The following HTR1B variants were observed in gnomAD, a reference collection of about 807,000 sequenced individuals.
HTR1B encodes 5-hydroxytryptamine receptor 1B, also known as 5-hydroxytryptamine (serotonin) receptor 1B, G protein-coupled.
In HTR1B, 12 loss-of-function variants were observed where a neutral mutation model predicts 25.3. The observed-to-expected ratio is 0.47, with a 90% CI of 0.30 to 0.77. HTR1B has a LOEUF of 0.77. HTR1B is among the 30% of genes least tolerant of loss of function. The probability of loss-of-function intolerance (pLI) is 0.06; values close to 1 mark genes in which losing one functional copy is unlikely to be tolerated. For synonymous variants in HTR1B, 224 were observed against 219.1 expected (o/e 1.02, Z -0.20); for missense variants, 453 against 503.0 (o/e 0.90, Z 0.95).
In HTR1B at chr6:77,462,827, C is replaced by T. The variant is rs780026953; in HGVS notation, c.577G>A (p.Glu193Lys). 2 of 1,614,010 alleles carry T rather than the reference C, an allele frequency of 1.2e-6. No homozygotes were observed. The highest frequency in any genetic ancestry group is 1.7e-6 in the Non-Finnish European group (2 of 1,180,034). The change falls in exon 1 of 1, where the codon GAA becomes AAA. Residue 193 changes from glutamate (E) to lysine (K), a missense_variant. Physicochemically the swap from Glu to Lys is moderately conservative, Grantham distance 56. Around this residue, in one of 3 missense-constraint regions of HTR1B, gnomAD observed 289 missense variants for 319.6 expected, o/e 0.90. Coordinates refer to ENST00000369947, the MANE Select transcript of HTR1B (RefSeq NM_000863.3). This position sits in a 1 kb window ranked among gnomAD's most constrained non-coding sequence, Gnocchi z 4.9. ...ACCACGCATTCCGACACCTCCTCTT[C>T]GGCCTTAGCCTGACGCCAGAAGAAG... ...PPFFWRQAKA[E>K]EEVSECVVNT...
In HTR1B at chr6:77,462,720, A is replaced by G. The variant is rs138273068; in HGVS notation, c.684T>C (p.Tyr228=). The change falls in exon 1 of 1, where the codon TAT becomes TAC. Residue 228 remains tyrosine (Y), a synonymous_variant. Coordinates refer to ENST00000369947, the MANE Select transcript of HTR1B (RefSeq NM_000863.3). The surrounding 1 kb of genome is among the most constrained non-coding windows in gnomAD (Gnocchi z 4.9). The part of the protein sequence containing the change: ...YFPTLLLIAL[Y]GRIYVEARSR... ...AGCGGGCTTCTACGTAGATGCGGCC[A>G]TAGAGGGCGATGAGGAGCAGGGTGG... 26 of 1,613,748 alleles carry G rather than the reference A, an allele frequency of 1.6e-5. No individual in the cohort carries two copies. The Admixed American group carries it at 2.8e-4, about 18-fold the overall frequency.
chr6:77,462,957 C>A lies in HTR1B; in HGVS notation c.447G>T (p.Trp149Cys). ...AGTACTCCACGGCGTCCGTGATGGC[C>A]CAGTAGCGGTCCAGGGCGATGACAC... ...HLCVIALDRYWAITDAVEYSA... is the reference protein window; with the variant it reads ...HLCVIALDRYCAITDAVEYSA... The change falls in exon 1 of 1, where the codon TGG (tryptophan) becomes TGT (cysteine). Residue 149 changes from tryptophan (W) to cysteine (C), a missense_variant. By Grantham distance (215) the Trp-to-Cys change is radical. Transcript: ENST00000369947. This position sits in a 1 kb window ranked among gnomAD's most constrained non-coding sequence, Gnocchi z 4.9. 6.2e-7 allele frequency: 1 copy of A among 1,614,028 alleles called. No homozygotes were observed. Among genetic ancestry groups the A allele is most frequent in the Non-Finnish European group, 8.5e-7 (1 of 1,180,048 alleles).
rs1478298898 is a variant in HTR1B at position 77,463,194 on chromosome 6, C to T, written c.210G>A (p.Val70=). 1.9e-6 allele frequency: 3 copies of T among 1,614,106 alleles called. No individual in the cohort carries two copies. In the African/African-American group the frequency reaches 4.0e-5, roughly 22 times the overall value. ...TCCGGGTCCGGTACACTGTGGCAAT[C>T]ACAAAGGCATTGGAGAGCGTGGTGG... is the stretch of plus-strand genomic sequence containing the variant. ...TLATTLSNAF[V]IATVYRTRKL... is the part of the protein sequence containing the mutation. Residue 70 remains valine (V), a synonymous_variant, in exon 1 of 1, where the codon GTG becomes GTA. Coordinates refer to ENST00000369947, the MANE Select transcript of HTR1B (RefSeq NM_000863.3).
Position 77,461,898 on chromosome 6 carries a change from C to A in HTR1B, c.*333G>T, listed in dbSNP as rs76194807. 0.073 allele frequency: 19,473 copies of A among 266,918 alleles called. 865 individuals carry two copies. The highest frequency in any genetic ancestry group is 0.12 in the East Asian group (1,408 of 11,658). The allele number at this position is 266,918 out of a possible 1,614,324, so 16.5% of individuals were successfully genotyped here. A position where few individuals can be genotyped will look rare whatever the true frequency, so the allele number is the denominator to read the frequency against. ...TTCTAGTGGGCATTATCCACGATAC[C>A]AAAGCAGGGCAGGGATTCCCTTCCA... is the stretch of plus-strand genomic sequence containing the variant. On this transcript the variant is annotated 3_prime_UTR_variant, in exon 1 of 1. Transcript: ENST00000369947.
rs754107372 is a variant in HTR1B, at chr6:77,462,567, G to C, written c.837C>G (p.Ser279Arg). 6.2e-7 allele frequency: 1 copy of C among 1,613,164 alleles called. No homozygotes were observed. Among genetic ancestry groups the C allele is most frequent in the Non-Finnish European group, 8.5e-7 (1 of 1,180,014 alleles). Residue 279 changes from serine (S) to arginine (R), a missense_variant, in exon 1 of 1, where the codon AGC (serine) becomes AGG (arginine). Ser to Arg is a moderately radical substitution (Grantham distance 110). Around this residue, in one of 3 missense-constraint regions of HTR1B, gnomAD observed 289 missense variants for 319.6 expected, o/e 0.90. Transcript: ENST00000369947. This position sits in a 1 kb window ranked among gnomAD's most constrained non-coding sequence, Gnocchi z 4.9. ...TCACATACACAGGAGATCCGGATTC[G>C]CTGGGCACGTCGGGAACCCGCGAGT... Reference protein sequence around the residue: ...SINSRVPDVPSESGSPVYVNQ... With the variant: ...SINSRVPDVPRESGSPVYVNQ...
chr6:77,462,239 T>C lies in HTR1B; in HGVS notation c.1165A>G (p.Thr389Ala), dbSNP rs774705219. 1 of 1,609,044 alleles carries C rather than the reference T, an allele frequency of 6.2e-7. No homozygotes were observed. The highest frequency in any genetic ancestry group is 1.1e-5 in the South Asian group (1 of 90,796). ...AFHKLIRFKC[T>A]S ...CCACTGCAAACGGCAAGTCAACTTG[T>C]GCACTTAAAACGTATCAGTTTATGG... The change falls in exon 1 of 1, where the codon ACA (threonine) becomes GCA (alanine). Residue 389 changes from threonine to alanine, a missense_variant. Physicochemically the swap from Thr to Ala is moderately conservative, Grantham distance 58. This residue lies in a region of HTR1B where 289 missense variants were observed against 319.6 expected (regional missense o/e 0.90). Coordinates refer to ENST00000369947, the MANE Select transcript of HTR1B (RefSeq NM_000863.3). This position sits in a 1 kb window ranked among gnomAD's most constrained non-coding sequence, Gnocchi z 4.9.
Position 77,462,689 on chromosome 6 carries a change from T to C in HTR1B, c.715A>G (p.Ile239Val). The C allele has an allele frequency of 6.2e-7, 1 of 1,613,498 alleles. No homozygotes were observed. Among genetic ancestry groups the C allele is most frequent in the Non-Finnish European group, 8.5e-7 (1 of 1,179,994 alleles). ...GRIYVEARSR[I>V]LKQTPNRTGK... Reference sequence around the variant, plus strand: ...GTCCTGTTGGGCGTCTGTTTCAAAATCCGGGAGCGGGCTTCTACGTAGATG... The same window carrying C: ...GTCCTGTTGGGCGTCTGTTTCAAAACCCGGGAGCGGGCTTCTACGTAGATG... Residue 239 changes from isoleucine to valine, a missense_variant, in exon 1 of 1, where the codon ATT (isoleucine) becomes GTT (valine). Transcript: ENST00000369947. The surrounding 1 kb of genome is among the most constrained non-coding windows in gnomAD (Gnocchi z 4.9).
Position 77,462,362 on chromosome 6 carries a change from G to A in HTR1B, c.1042C>T (p.Leu348=). ...PICKDACWFH[L]AIFDFFTWLG... is the part of the protein sequence containing the mutation. ...CATGTGAAGAAGTCAAAGATGGCTA[G>A]GTGGAACCAGCAGGCATCTTTGCAG... Residue 348 remains leucine, a synonymous_variant, in exon 1 of 1, where the codon CTA becomes TTA. Coordinates refer to ENST00000369947, the MANE Select transcript of HTR1B (RefSeq NM_000863.3). The surrounding 1 kb of genome is among the most constrained non-coding windows in gnomAD (Gnocchi z 4.9). The A allele has an allele frequency of 6.2e-7, 1 of 1,614,074 alleles. No homozygotes were observed.
Position 77,461,898 on chromosome 6 carries a change from CA to C in HTR1B, c.*332del, listed in dbSNP as rs1373325959. On this transcript the variant is annotated 3_prime_UTR_variant, in exon 1 of 1. Coordinates refer to ENST00000369947, the MANE Select transcript of HTR1B (RefSeq NM_000863.3). ...TTCTAGTGGGCATTATCCACGATAC[CA>C]AAGCAGGGCAGGGATTCCCTTCCAT... 3.7e-6 allele frequency: 1 copy of C among 266,820 alleles called. No homozygotes were observed. The highest frequency in any genetic ancestry group is 7.2e-6 in the Non-Finnish European group (1 of 139,164). The allele number at this position is 266,820 out of a possible 1,614,324, so 16.5% of individuals were successfully genotyped here.
chr6:77,462,134 G>A lies in HTR1B; in HGVS notation c.*97C>T. The A allele has an allele frequency of 1.2e-6, 1 of 811,500 alleles. No homozygotes were observed. The highest frequency in any genetic ancestry group is 2.5e-5 in the East Asian group (1 of 40,530). The allele number at this position is 811,500 out of a possible 1,614,324, so 50.3% of individuals were successfully genotyped here. Reference sequence around the variant, plus strand: ...TGCCCAGGAGAGAGAGCCTCGCTGGGACCCAGAAACCGCGAAAGAAGATTC... The same window carrying A: ...TGCCCAGGAGAGAGAGCCTCGCTGGAACCCAGAAACCGCGAAAGAAGATTC... On this transcript the variant is annotated 3_prime_UTR_variant, in exon 1 of 1. Transcript: ENST00000369947. This position sits in a 1 kb window ranked among gnomAD's most constrained non-coding sequence, Gnocchi z 4.9.
In HTR1B at chr6:77,462,356, T is replaced by A; in HGVS notation, c.1048A>T (p.Ile350Phe). Residue 350 changes from isoleucine to phenylalanine, a missense_variant, in exon 1 of 1, where the codon ATC (isoleucine) becomes TTC (phenylalanine). Coordinates refer to ENST00000369947, the MANE Select transcript of HTR1B (RefSeq NM_000863.3). The surrounding 1 kb of genome is among the most constrained non-coding windows in gnomAD (Gnocchi z 4.9). ...CCCAGCCATGTGAAGAAGTCAAAGA[T>A]GGCTAGGTGGAACCAGCAGGCATCT... ...CKDACWFHLA[I>F]FDFFTWLGYL... 1 of 1,614,082 alleles carries A rather than the reference T, an allele frequency of 6.2e-7. No individual in the cohort carries two copies. Among genetic ancestry groups the A allele is most frequent in the African/African-American group, 1.3e-5 (1 of 75,020 alleles).
In HTR1B at chr6:77,463,456, A is replaced by G; in HGVS notation, c.-53T>C. 1 of 1,487,012 alleles carries G rather than the reference A, an allele frequency of 6.7e-7. No homozygotes were observed. The highest frequency in any genetic ancestry group is 1.2e-5 in the South Asian group (1 of 82,024). 92.1% of individuals were successfully genotyped at this position (1,487,012 alleles called of 1,614,324 possible). On this transcript the variant is annotated 5_prime_UTR_variant, in exon 1 of 1. Coordinates refer to ENST00000369947, the MANE Select transcript of HTR1B (RefSeq NM_000863.3). ...CAGCTCTTGGGCATGGAGCGGACGA[A>G]GGAGAGGGCGGAAGGACCGTGGCGA...
Position 77,462,124 on chromosome 6 carries a change from G to A in HTR1B, c.*107C>T. The A allele has an allele frequency of 1.4e-6, 1 of 733,940 alleles. No homozygotes were observed. The highest frequency in any genetic ancestry group is 2.3e-6 in the Non-Finnish European group (1 of 429,140). 45.5% of individuals were successfully genotyped at this position (733,940 alleles called of 1,614,324 possible). A position where few individuals can be genotyped will look rare whatever the true frequency, so the allele number is the denominator to read the frequency against. ...CCATTGCCCTTGCCCAGGAGAGAGA[G>A]CCTCGCTGGGACCCAGAAACCGCGA... On this transcript the variant is annotated 3_prime_UTR_variant, in exon 1 of 1. Transcript: ENST00000369947. This position sits in a 1 kb window ranked among gnomAD's most constrained non-coding sequence, Gnocchi z 4.9.
In HTR1B at chr6:77,461,948, C is replaced by A; in HGVS notation, c.*283G>T. 1 of 359,360 alleles carries A rather than the reference C, an allele frequency of 2.8e-6. No homozygotes were observed. The highest frequency in any genetic ancestry group is 5.1e-6 in the Non-Finnish European group (1 of 197,572). The allele number at this position is 359,360 out of a possible 1,614,324, so 22.3% of individuals were successfully genotyped here. ...ATTATCAATTTTTAAAAGTTGCAAC[C>A]CCCTTTGGGATTGGCTGCCGCAGGG... On this transcript the variant is annotated 3_prime_UTR_variant, in exon 1 of 1. Transcript: ENST00000369947.
At position 77,462,543 on chromosome 6, in the gene HTR1B, C is replaced by G. The variant is rs6296; in HGVS notation, c.861G>C (p.Val287=). 0.28 allele frequency: 445,623 copies of G among 1,613,186 alleles called. 63,939 individuals carry two copies. The highest frequency in any genetic ancestry group is 0.48 in the East Asian group (21,442 of 44,840). ...CGGAGACTCGCACTTTGACTTGGTT[C>G]ACATACACAGGAGATCCGGATTCGC... ...VPSESGSPVY[V]NQVKVRVSDA... is the part of the protein sequence containing the mutation. The change falls in exon 1 of 1, where the codon GTG becomes GTC. Residue 287 remains valine (V), a synonymous_variant. Coordinates refer to ENST00000369947, the MANE Select transcript of HTR1B (RefSeq NM_000863.3). The surrounding 1 kb of genome is among the most constrained non-coding windows in gnomAD (Gnocchi z 4.9).
rs765603069 is a variant in HTR1B at position 77,462,588 on chromosome 6, C to G, written c.816G>C (p.Ser272=). The change falls in exon 1 of 1, where the codon TCG becomes TCC. Residue 272 remains serine, a synonymous_variant. Coordinates refer to ENST00000369947, the MANE Select transcript of HTR1B (RefSeq NM_000863.3). This position sits in a 1 kb window ranked among gnomAD's most constrained non-coding sequence, Gnocchi z 4.9. The part of the protein sequence containing the change: ...GSTSSVTSIN[S]RVPDVPSESG... ...ATTCGCTGGGCACGTCGGGAACCCGCGAGTTAATAGAGGTGACCGAGGACG... is the reference window on the plus strand; with the variant it reads ...ATTCGCTGGGCACGTCGGGAACCCGGGAGTTAATAGAGGTGACCGAGGACG... 6.2e-7 allele frequency: 1 copy of G among 1,613,126 alleles called. No individual in the cohort carries two copies. Among genetic ancestry groups the G allele is most frequent in the Non-Finnish European group, 8.5e-7 (1 of 1,179,992 alleles).
At position 77,461,889 on chromosome 6, in the gene HTR1B, C is replaced by A. The variant is rs1216174502; in HGVS notation, c.*342G>T. The A allele has an allele frequency of 3.9e-6, 1 of 254,744 alleles. No homozygotes were observed. Among genetic ancestry groups the A allele is most frequent in the Non-Finnish European group, 7.6e-6 (1 of 131,546 alleles). The allele number at this position is 254,744 out of a possible 1,614,324, so 15.8% of individuals were successfully genotyped here. ...GTACACTGCTTCTAGTGGGCATTATCCACGATACCAAAGCAGGGCAGGGAT... is the reference window on the plus strand; with the variant it reads ...GTACACTGCTTCTAGTGGGCATTATACACGATACCAAAGCAGGGCAGGGAT... On this transcript the variant is annotated 3_prime_UTR_variant, in exon 1 of 1. Coordinates refer to ENST00000369947, the MANE Select transcript of HTR1B (RefSeq NM_000863.3).
Position 77,463,422 on chromosome 6 carries a change from T to G in HTR1B, c.-19A>C, listed in dbSNP as rs759932396. On this transcript the variant is annotated 5_prime_UTR_variant, in exon 1 of 1. Transcript: ENST00000369947. ...CCTCCATGGCTCTCCTCGCCCCAGC[T>G]CCGGAGCGCAGCTCTTGGGCATGGA... 1.3e-6 allele frequency: 2 copies of G among 1,597,788 alleles called. No individual in the cohort carries two copies. Among genetic ancestry groups the G allele is most frequent in the Admixed American group, 1.7e-5 (1 of 59,200 alleles).
rs1477496519 is a variant in HTR1B, at chr6:77,462,879, G to C, written c.525C>G (p.Val175=). 5 of 1,614,044 alleles carry C rather than the reference G, an allele frequency of 3.1e-6. No individual in the cohort carries two copies. The highest frequency in any genetic ancestry group is 4.2e-6 in the Non-Finnish European group (5 of 1,180,046). The part of the protein sequence containing the change: ...RAAVMIALVW[V]FSISISLPPF... ...GCGGCAGCGAGATAGAGATGGAGAA[G>C]ACCCACACCAGCGCGATCATGACCG... The change falls in exon 1 of 1, where the codon GTC becomes GTG. Residue 175 remains valine (V), a synonymous_variant. Coordinates refer to ENST00000369947, the MANE Select transcript of HTR1B (RefSeq NM_000863.3). The surrounding 1 kb of genome is among the most constrained non-coding windows in gnomAD (Gnocchi z 4.9).
Sources: gnomAD v4.1 joint callset for allele counts on GRCh38, gnomAD v4.1.1 for gene constraint, gnomAD v4.1.1 regional missense constraint, Gnocchi (gnomAD v3.1) non-coding constraint, MANE v1.5 for transcripts, NCBI Gene and HGNC (gene_info 2026-07-23, HGNC 2026-07-21) for gene names.